Variants in UNC5B observed in about 807,000 individuals in gnomAD.
UNC5B encodes the protein netrin receptor UNC5B.
A neutral mutation model predicts 103.7 loss-of-function variants in UNC5B; 56 were observed. The observed-to-expected ratio is 0.54, with a 90% CI of 0.44 to 0.67. The LOEUF is 0.67. Among genes scored for constraint, UNC5B ranks in the 30% least tolerant of loss-of-function variants. The probability of loss-of-function intolerance (pLI) is 0.00; values close to 1 mark genes in which losing one functional copy is unlikely to be tolerated. For synonymous variants in UNC5B, 577 were observed against 542.0 expected (o/e 1.06, Z -0.90); for missense variants, 1,194 against 1,284.5 (o/e 0.93, Z 1.08).
chr10:71,295,438 T>G (rs540002621), intron 13 of UNC5B, among the ~76,000 whole-genome samples: 1 of 152,356 alleles, frequency 6.6e-6, no homozygotes, highest in East Asian at 1.9e-4. Context: ...GTTTACCCAG[T>G]CATTGCTCGT....
chr10:71,296,892 G>A (rs12782561), intron 15 of UNC5B, 150 bp downstream of exon 15: 1 of 560,512 alleles, frequency 1.8e-6, no homozygotes. Context: ...CGCTGGCGGA[G>A]GTGAGGGAAG....
chr10:71,279,870 A>C lies in UNC5B; in HGVS notation c.129A>C (p.Pro43=). ...TCCCTGACTCCTTCCCGTCAGCGCC[A>C]GCAGAGCCGCTGCCCTACTTCCTGC... The part of the protein sequence containing the change: ...EVLPDSFPSA[P]AEPLPYFLQE... The change falls in exon 2 of 17, where the codon CCA becomes CCC. Residue 43 remains proline (P), a synonymous_variant. Coordinates refer to ENST00000335350, the MANE Select transcript of UNC5B (RefSeq NM_170744.5). 6.2e-7 allele frequency: 1 copy of C among 1,613,938 alleles called. No individual in the cohort carries two copies.
chr10:71,246,197 A>G (rs1844030530), intron 1 of UNC5B, among the ~76,000 whole-genome samples: 1 of 152,196 alleles, frequency 6.6e-6, no homozygotes, highest in South Asian at 2.1e-4. Context: ...GAGACCTGGT[A>G]GGAGTTCATT....
intron 2 of UNC5B, among the ~76,000 whole-genome samples, chr10:71,282,728 C>A (rs944721182): frequency 2.0e-5 from 3 of 152,126 alleles, no homozygotes; most frequent in Non-Finnish European, 2.9e-5. Flanking sequence ...GCCATCAGGA[C>A]GGGGCTGTCC....
chr10:71,286,291 G>A (rs1845077742), intron 4 of UNC5B, among the ~76,000 whole-genome samples: 1 of 152,210 alleles, frequency 6.6e-6, no homozygotes, highest in Non-Finnish European at 1.5e-5. Flanking sequence ...TTTCTTCCTG[G>A]CTAGCAGAGC....
chr10:71,285,447 G>T lies in UNC5B; in HGVS notation c.552+18G>T, dbSNP rs1342128206. 5.1e-6 allele frequency: 8 copies of T among 1,567,520 alleles called. No individual in the cohort carries two copies. Among genetic ancestry groups the T allele is most frequent in the Non-Finnish European group, 6.9e-6 (8 of 1,159,940 alleles). On this transcript the variant is annotated intron_variant, in intron 4 of 16. Transcript: ENST00000335350. ...TGGCCGAGGTGAGCGGGGACGTAGG[G>T]ACCACTGAGCACGGCCCTGTGGCCA...
chr10:71,291,280 G>A (rs573216639), intron 9 of UNC5B, 152 bp from the exon 10 acceptor site: 1 of 1,343,072 alleles, frequency 7.4e-7, no homozygotes, highest in Non-Finnish European at 1.0e-6. Flanking sequence ...GAGAAGGAAG[G>A]GAGTGACCCA....
At chr10:71,237,276 C>A (rs1245832530) in intron 1 of UNC5B, among the ~76,000 whole-genome samples, 1 of 152,226 alleles carries the variant, frequency 6.6e-6, no homozygotes, top group Non-Finnish European at 1.5e-5. Context: ...ATACTACCCT[C>A]CCTGCTTCCA....
chr10:71,269,129 A>G (rs1340483315), intron 1 of UNC5B, among the ~76,000 whole-genome samples: 1 of 152,184 alleles, frequency 6.6e-6, no homozygotes, highest in African/African-American at 2.4e-5. Context: ...TGCAACTTAC[A>G]TGGTGAGACC....
chr10:71,295,868 C>G lies in UNC5B; in HGVS notation c.2233C>G (p.Leu745Val), dbSNP rs1182565854. 6.2e-7 allele frequency: 1 copy of G among 1,613,284 alleles called. No homozygotes were observed. Among genetic ancestry groups the G allele is most frequent in the Non-Finnish European group, 8.5e-7 (1 of 1,180,020 alleles). ...ATACTTGGTGGAGGAGCCGAAACCG[C>G]TAATGTTCAAGGACAGTTACCACAA... ...GGYLVEEPKPLMFKDSYHNLR... is the reference protein window; with the variant it reads ...GGYLVEEPKPVMFKDSYHNLR... Residue 745 changes from leucine (L) to valine (V), a missense_variant, in exon 14 of 17, where the codon CTA becomes GTA. Physicochemically the swap from Leu to Val is conservative, Grantham distance 32. Transcript: ENST00000335350.
intron 1 of UNC5B, among the ~76,000 whole-genome samples, chr10:71,266,886 G>A (rs1844536588): frequency 6.6e-6 from 1 of 152,154 alleles, no homozygotes; most frequent in South Asian, 2.1e-4. Context: ...GTAGCATGAT[G>A]GAATCTCCCA....
intron 4 of UNC5B, among the ~76,000 whole-genome samples, chr10:71,285,795 G>A (rs1414912336): frequency 6.6e-6 from 1 of 152,138 alleles, no homozygotes; most frequent in African/African-American, 2.4e-5. Flanking sequence ...GTGTGAGTGT[G>A]TTCTCCCCCA....
intron 11 of UNC5B, 24 bp from the exon 12 acceptor site, chr10:71,293,381 C>T (rs1162634542): frequency 8.1e-6 from 13 of 1,603,270 alleles, no homozygotes; most frequent in African/African-American, 1.3e-5. Context: ...CACTGCCTCT[C>T]TCCTACCCTG....
intron 1 of UNC5B, among the ~76,000 whole-genome samples, chr10:71,241,912 A>T (rs1304137489): frequency 6.6e-6 from 1 of 152,126 alleles, no homozygotes; most frequent in Non-Finnish European, 1.5e-5. Flanking sequence ...CTCCTATGTG[A>T]TTACAGCCTG....
intron 1 of UNC5B, among the ~76,000 whole-genome samples, chr10:71,230,859 G>C (rs2132249517): frequency 6.6e-6 from 1 of 152,368 alleles, no homozygotes; most frequent in South Asian, 2.1e-4. Context: ...CCCTGGATGT[G>C]TCACAGACTT....
intron 13 of UNC5B, among the ~76,000 whole-genome samples, chr10:71,294,854 G>C (rs1845366086): frequency 6.6e-6 from 1 of 152,124 alleles, no homozygotes; most frequent in African/African-American, 2.4e-5. Context: ...TCCCCTGCCA[G>C]CCTCAGAGCC....
At chr10:71,217,557 G>A (rs994538370) in intron 1 of UNC5B, 4 of 152,166 alleles carry the variant, frequency 2.6e-5, no homozygotes, top group African/African-American at 7.2e-5. Flanking sequence ...CAGCCGCTGC[G>A]CCCCCGCGGG....
At position 71,244,092 on chromosome 10, in the gene UNC5B, T is replaced by C. The variant is rs139394957; in HGVS notation, c.79+31028T>C. 4.6e-3 allele frequency among the ~76,000 whole-genome samples: 702 copies of C among 152,364 alleles called. 2 individuals carry two copies. Among genetic ancestry groups the C allele is most frequent in the African/African-American group, 0.016 (680 of 41,588 alleles). ...TTTAGCCATCACCTATTCTGCTGTA[T>C]CTAGTACTGGGCCAGGCATCTTTAG... On this transcript the variant is annotated intron_variant, in intron 1 of 16. Coordinates refer to ENST00000335350, the MANE Select transcript of UNC5B (RefSeq NM_170744.5).
intron 1 of UNC5B, among the ~76,000 whole-genome samples, chr10:71,214,492 C>T (rs545936419): frequency 1.3e-5 from 2 of 152,220 alleles, no homozygotes; most frequent in South Asian, 4.1e-4. Context: ...AGGCAGGCTG[C>T]TGAATGTCCA....
Sources: allele counts gnomAD v4.1 joint callset (sites outside exome capture counted in the v4.1 genomes callset), GRCh38; gene constraint gnomAD v4.1.1; transcripts MANE v1.5; gene names NCBI Gene and HGNC (gene_info 2026-07-23, HGNC 2026-07-21).